RNF150: variants seen among roughly 807,000 people sequenced by gnomAD.
RNF150 encodes the protein ring finger protein 150.
RNF150 carries 24 observed loss-of-function variants against 39.3 expected under a neutral mutation model. The observed-to-expected ratio is 0.61, with a 90% CI of 0.44 to 0.86. RNF150 has a LOEUF of 0.86. RNF150 is among the 40% of genes least tolerant of loss of function. The probability of loss-of-function intolerance (pLI) is 0.00; values close to 1 mark genes in which losing one functional copy is unlikely to be tolerated. For synonymous variants in RNF150, 255 were observed against 227.3 expected (o/e 1.12, Z -1.10); for missense variants, 502 against 587.8 (o/e 0.85, Z 1.51).
chr4:140,921,076 C>T (rs13103834), intron 5 of RNF150, among the ~76,000 whole-genome samples: 80,089 of 147,068 alleles, frequency 0.54, 22,430 homozygotes, highest in East Asian at 0.89. Flanking sequence ...ATATACCTAA[C>T]GCTAAATGAC....
At chr4:141,157,351 A>T (rs1232579161) in intron 1 of RNF150, among the ~76,000 whole-genome samples, 1 of 152,186 alleles carries the variant, frequency 6.6e-6, no homozygotes, top group African/African-American at 2.4e-5. Context: ...GTTTGATAAT[A>T]TATAACCATG....
At chr4:141,146,140 C>T (rs968390624) in intron 1 of RNF150, among the ~76,000 whole-genome samples, 3 of 152,190 alleles carry the variant, frequency 2.0e-5, no homozygotes, top group Non-Finnish European at 2.9e-5. Flanking sequence ...CATTCTGTTA[C>T]TTTGGGATGG....
chr4:141,062,249 G>A (rs1285498486), intron 1 of RNF150, among the ~76,000 whole-genome samples: 4 of 151,860 alleles, frequency 2.6e-5, no homozygotes, highest in South Asian at 2.1e-4. Flanking sequence ...GAGTCTTTGC[G>A]TAAAATTCTC....
chr4:140,904,634 C>G (rs575851480), intron 6 of RNF150, among the ~76,000 whole-genome samples: 1 of 152,276 alleles, frequency 6.6e-6, no homozygotes, highest in Non-Finnish European at 1.5e-5. Context: ...CACATAAAAC[C>G]TGGACATTGC....
At position 140,875,422 on chromosome 4, in the gene RNF150, C is replaced by T. The variant is rs1287583052; in HGVS notation, c.1199-7043G>A. On this transcript the variant is annotated intron_variant, in intron 6 of 6. Transcript: ENST00000515673. ...GAATTCCTGGCTTCAAGCCATCCTC[C>T]CACCTTGGTCTCCAAAGCACCAGGA... 3.3e-5 allele frequency among the ~76,000 whole-genome samples: 5 copies of T among 152,276 alleles called. No individual in the cohort carries two copies. The East Asian group carries it at 9.7e-4, about 29-fold the overall frequency.
At chr4:141,135,243 G>A (rs1560755463), upstream of RNF150, among the ~76,000 whole-genome samples, 1 of 152,326 alleles carries the variant, frequency 6.6e-6, no homozygotes, top group East Asian at 1.9e-4. Context: ...ATATTTATGT[G>A]TGTGCACACA....
intron 1 of RNF150, among the ~76,000 whole-genome samples, chr4:141,190,239 C>T (rs1728084081): frequency 6.6e-6 from 1 of 152,220 alleles, no homozygotes; most frequent in African/African-American, 2.4e-5. Context: ...ATTGGTCTCG[C>T]TGGTTGTTGC....
At chr4:141,195,985 C>A (rs946202122) in intron 1 of RNF150, among the ~76,000 whole-genome samples, 4 of 152,136 alleles carry the variant, frequency 2.6e-5, no homozygotes, top group African/African-American at 9.7e-5. Flanking sequence ...TCCAAGTAAT[C>A]TATGTGGACA....
intron 1 of RNF150, among the ~76,000 whole-genome samples, chr4:141,129,009 C>A (rs1305880857): frequency 6.6e-6 from 1 of 152,146 alleles, no homozygotes; most frequent in Admixed American, 6.5e-5. Context: ...AACCCTCAAA[C>A]ACTGCTGGTG....
At position 141,174,424 on chromosome 4, in the gene RNF150, G is replaced by T. The variant is rs138562663; in HGVS notation, c.-6+38370C>A. ...TACTAGCTCTGGTTCACTTTCCTCTGCTTGACAAAGAAATGCATCTGAATT... is the reference window on the plus strand; with the variant it reads ...TACTAGCTCTGGTTCACTTTCCTCTTCTTGACAAAGAAATGCATCTGAATT... On this transcript the variant is annotated intron_variant, in intron 1 of 7. Coordinates refer to the RNF150 transcript ENST00000420921. Among the ~76,000 whole-genome samples, 39 of 152,220 alleles carry T rather than the reference G, an allele frequency of 2.6e-4. No homozygotes were observed. The East Asian group carries it at 6.2e-3, about 24-fold the overall frequency.
chr4:140,927,731 C>T (rs1731453311), intron 4 of RNF150, among the ~76,000 whole-genome samples: 1 of 149,152 alleles, frequency 6.7e-6, no homozygotes, highest in African/African-American at 2.6e-5. Context: ...TCACTTCAAC[C>T]TCTACCTCCC....
In RNF150 at chr4:141,132,985, A is replaced by T. The variant is rs1267218167; in HGVS notation, c.-177T>A. On this transcript the variant is annotated 5_prime_UTR_variant, in exon 1 of 7. Transcript: ENST00000515673. The surrounding 1 kb of genome is among the most constrained non-coding windows in gnomAD (Gnocchi z 4.9). Reference sequence around the variant, plus strand: ...CGGGGACCGGATTCCGGGCGAGCGGATGGCGCTGGCCCCTTCCCCTCTCAG... The same window carrying T: ...CGGGGACCGGATTCCGGGCGAGCGGTTGGCGCTGGCCCCTTCCCCTCTCAG... 1 of 561,722 alleles carries T rather than the reference A, an allele frequency of 1.8e-6. No individual in the cohort carries two copies. Among genetic ancestry groups the T allele is most frequent in the African/African-American group, 2.0e-5 (1 of 49,032 alleles). 34.8% of individuals were successfully genotyped at this position (561,722 alleles called of 1,614,324 possible).
intron 1 of RNF150, among the ~76,000 whole-genome samples, chr4:141,090,199 TG>T (rs1738527154): frequency 6.6e-6 from 1 of 152,168 alleles, no homozygotes; most frequent in East Asian, 1.9e-4. Flanking sequence ...AAGAAAAGCT[TG>T]GGTCATCGAA....
chr4:141,153,440 A>G (rs923464925), intron 1 of RNF150, among the ~76,000 whole-genome samples: 3 of 152,188 alleles, frequency 2.0e-5, no homozygotes, highest in Admixed American at 6.5e-5. Flanking sequence ...AAAGATGGCC[A>G]TCTACAAGCC....
At chr4:140,894,749 G>A (rs1398303283) in intron 6 of RNF150, among the ~76,000 whole-genome samples, 1 of 152,174 alleles carries the variant, frequency 6.6e-6, no homozygotes, top group Non-Finnish European at 1.5e-5. Context: ...GATCTTCAAT[G>A]TTTATTTTTG....
intron 1 of RNF150, among the ~76,000 whole-genome samples, chr4:141,068,302 G>T (rs1339383090): frequency 1.3e-5 from 2 of 152,150 alleles, no homozygotes; most frequent in Admixed American, 1.3e-4. Flanking sequence ...TATATAGCAA[G>T]TTTTAGCACT....
chr4:140,949,949 A>T (rs1732480516), intron 2 of RNF150, among the ~76,000 whole-genome samples: 1 of 152,166 alleles, frequency 6.6e-6, no homozygotes, highest in Non-Finnish European at 1.5e-5. Flanking sequence ...AAAATACATA[A>T]AACATAATGT....
chr4:140,883,914 G>A (rs1729468354), intron 6 of RNF150, among the ~76,000 whole-genome samples: 1 of 151,714 alleles, frequency 6.6e-6, no homozygotes, highest in African/African-American at 2.4e-5. Context: ...CTCTCATGAT[G>A]CACATATTTG....
In RNF150 at chr4:141,089,481, G is replaced by A. The variant is rs181721167; in HGVS notation, c.484+42844C>T. Among the ~76,000 whole-genome samples, 129 of 152,284 alleles carry A rather than the reference G, an allele frequency of 8.5e-4. 2 individuals carry two copies. The East Asian group carries it at 0.022, about 26-fold the overall frequency. ...CTCTAAAAGGAAAATAAAAGTGACC[G>A]AAAACTTACGACTTGTGTCAAGAAA... is the stretch of plus-strand genomic sequence containing the variant. On this transcript the variant is annotated intron_variant, in intron 1 of 6. Transcript: ENST00000515673.
Sources: allele counts gnomAD v4.1 joint callset (sites outside exome capture counted in the v4.1 genomes callset), GRCh38; gene constraint gnomAD v4.1.1; non-coding constraint Gnocchi (gnomAD v3.1); transcripts MANE v1.5; gene names NCBI Gene and HGNC (gene_info 2026-07-23, HGNC 2026-07-21).